Variants in SH3BGR observed in about 807,000 individuals in gnomAD.
The protein encoded by SH3BGR is SH3 domain-binding glutamic acid-rich protein.
In SH3BGR, 29 loss-of-function variants were observed where a neutral mutation model predicts 24.5. The observed-to-expected ratio is 1.18, with a 90% CI of 0.88 to 1.61. The LOEUF (loss-of-function observed/expected upper bound fraction) is 1.61. Ranked by LOEUF, SH3BGR falls within the 40% of genes most tolerant of loss-of-function variation. SH3BGR has a pLI of 0.00. For synonymous variants in SH3BGR, 55 were observed against 65.7 expected (o/e 0.84, Z 0.79); for missense variants, 162 against 205.8 (o/e 0.79, Z 1.30).
At chr21:39,473,910 A>G (rs952052937) in intron 2 of SH3BGR, among the ~76,000 whole-genome samples, 2 of 151,808 alleles carry the variant, frequency 1.3e-5, no homozygotes. Flanking sequence ...AAACAGTAAC[A>G]CACAGGAATA....
chr21:39,500,509 G>C (rs117098851), intron 4 of SH3BGR, among the ~76,000 whole-genome samples: 2 of 152,080 alleles, frequency 1.3e-5, no homozygotes, highest in Non-Finnish European at 2.9e-5. Context: ...CTGTGGTTCT[G>C]TGAGTGCCAA....
intron 4 of SH3BGR, among the ~76,000 whole-genome samples, chr21:39,506,677 C>T (rs917148543): frequency 2.0e-5 from 3 of 152,110 alleles, no homozygotes; most frequent in African/African-American, 4.8e-5. Flanking sequence ...TGGGGGAACC[C>T]GCCCCCCTGA....
At chr21:39,468,522 T>C (rs1220491340) in intron 2 of SH3BGR, among the ~76,000 whole-genome samples, 1 of 152,166 alleles carries the variant, frequency 6.6e-6, no homozygotes, top group Non-Finnish European at 1.5e-5. Context: ...CACTGCAGCC[T>C]CAACCTCCTG....
At chr21:39,495,511 G>A (rs1366875648) in intron 3 of SH3BGR, among the ~76,000 whole-genome samples, 1 of 147,274 alleles carries the variant, frequency 6.8e-6, no homozygotes, top group African/African-American at 2.5e-5. Flanking sequence ...TAAAGATCTT[G>A]CTCTGTCACC....
In SH3BGR at chr21:39,511,698, G is replaced by A; in HGVS notation, c.454G>A (p.Glu152Lys). The A allele has an allele frequency of 6.2e-7, 1 of 1,611,556 alleles. No homozygotes were observed. The highest frequency in any genetic ancestry group is 8.5e-7 in the Non-Finnish European group (1 of 1,179,304). ...AAATAAGACGGAAGAAATAGCCATG[G>A]AGGGTGCGGAAGGGGAAGCCGAGGA... ...ATEETEEIAM[E>K]GAEGEAEEEE... The change falls in exon 6 of 7, where the codon GAG becomes AAG. Residue 152 changes from glutamate to lysine, a missense_variant. Glu to Lys is a moderately conservative substitution (Grantham distance 56). Transcript: ENST00000333634. The surrounding 1 kb of genome is among the most constrained non-coding windows in gnomAD (Gnocchi z 4.2).
chr21:39,512,852 A>G (rs1463533771), intron 6 of SH3BGR, among the ~76,000 whole-genome samples: 1 of 152,180 alleles, frequency 6.6e-6, no homozygotes, highest in Non-Finnish European at 1.5e-5. Flanking sequence ...AAGTGCTATA[A>G]AAATATCTGT....
chr21:39,503,799 G>A (rs1050080315), intron 4 of SH3BGR, among the ~76,000 whole-genome samples: 1 of 152,182 alleles, frequency 6.6e-6, no homozygotes, highest in African/African-American at 2.4e-5. Context: ...CTTGATAAAG[G>A]ATTGAGGCAG....
At chr21:39,469,507 T>C (rs1489833987) in intron 2 of SH3BGR, among the ~76,000 whole-genome samples, 3 of 151,912 alleles carry the variant, frequency 2.0e-5, no homozygotes, top group Non-Finnish European at 2.9e-5. Context: ...CTTACCTTAA[T>C]GTTCAGTTAG....
At chr21:39,507,757 C>T (rs1204678318) in intron 4 of SH3BGR, among the ~76,000 whole-genome samples, 6 of 152,254 alleles carry the variant, frequency 3.9e-5, no homozygotes, top group South Asian at 4.1e-4. Flanking sequence ...GTGATCCTCC[C>T]GCCTCTGCCT....
intron 3 of SH3BGR, among the ~76,000 whole-genome samples, chr21:39,494,252 T>TTC (rs770210434): frequency 1.3e-4 from 17 of 131,372 alleles, no homozygotes; most frequent in Non-Finnish European, 1.9e-4. Context: ...CTTCTTCTTC[T>TTC]TTTTTTTTTT....
chr21:39,464,097 G>T (rs2077800339), intron 2 of SH3BGR, among the ~76,000 whole-genome samples: 1 of 152,196 alleles, frequency 6.6e-6, no homozygotes, highest in Admixed American at 6.5e-5. Flanking sequence ...CTCACATGGA[G>T]TGTGTCTCTC....
At position 39,452,132 on chromosome 21, in the gene SH3BGR, G is replaced by A. The variant is rs1263551746; in HGVS notation, c.36G>A (p.Gly12=). The A allele has an allele frequency of 1.2e-6, 2 of 1,614,058 alleles. No homozygotes were observed. Among genetic ancestry groups the A allele is most frequent in the Admixed American group, 3.3e-5 (2 of 60,002 alleles). The change falls in exon 1 of 7, where the codon GGG becomes GGA. Residue 12 remains glycine (G), a synonymous_variant. Coordinates refer to ENST00000333634, the MANE Select transcript of SH3BGR (RefSeq NM_007341.3). The part of the protein sequence containing the change: ...VIKVFVATSS[G]SIAIRKKQQE... ...AAGTGTTTGTTGCTACATCTTCTGG[G>A]TCCATAGCGGTAGGTGTCTGGTGGA... is the stretch of plus-strand genomic sequence containing the variant.
At chr21:39,504,257 A>G (rs1239710796) in intron 4 of SH3BGR, among the ~76,000 whole-genome samples, 1 of 152,122 alleles carries the variant, frequency 6.6e-6, no homozygotes, top group Non-Finnish European at 1.5e-5. Flanking sequence ...CAAGGGGCAA[A>G]CATTGATGTA....
chr21:39,506,333 A>G (rs954326823), intron 4 of SH3BGR, among the ~76,000 whole-genome samples: 2 of 152,176 alleles, frequency 1.3e-5, no homozygotes, highest in Non-Finnish European at 2.9e-5. Flanking sequence ...ATGTGAGAAA[A>G]TTGCATGTGA....
At chr21:39,448,563 A>G (rs902530028), upstream of SH3BGR, among the ~76,000 whole-genome samples, 3 of 152,144 alleles carry the variant, frequency 2.0e-5, 1 homozygote, top group Non-Finnish European at 4.4e-5. Context: ...GAGATGCACC[A>G]AAAACAGAAT....
At chr21:39,513,265 C>A (rs2078728090) in intron 6 of SH3BGR, among the ~76,000 whole-genome samples, 1 of 152,236 alleles carries the variant, frequency 6.6e-6, no homozygotes, top group South Asian at 2.1e-4. Context: ...AGGCAGGTCT[C>A]TAGTTAAGAA....
chr21:39,510,479 AC>A (rs1555915412), intron 5 of SH3BGR, among the ~76,000 whole-genome samples: 1 of 143,002 alleles, frequency 7.0e-6, no homozygotes, highest in African/African-American at 2.7e-5. Flanking sequence ...ACACACACAC[AC>A]CCCATCAATT....
rs1448840193 is a variant in SH3BGR, at chr21:39,511,312, GGT to G, written c.436-362_436-361del. On this transcript the variant is annotated intron_variant, in intron 5 of 6. Coordinates refer to ENST00000333634, the MANE Select transcript of SH3BGR (RefSeq NM_007341.3). This position sits in a 1 kb window ranked among gnomAD's most constrained non-coding sequence, Gnocchi z 4.2. ...TGTGTATTTGTGGTATATGTGATGT[GGT>G]GTGTGGGGTGTGTGGTCTGGTGTGT... 1.3e-5 allele frequency among the ~76,000 whole-genome samples: 2 copies of G among 148,648 alleles called. No individual in the cohort carries two copies. The highest frequency in any genetic ancestry group is 3.0e-5 in the Non-Finnish European group (2 of 67,480).
intron 4 of SH3BGR, among the ~76,000 whole-genome samples, chr21:39,507,684 C>T (rs1031185188): frequency 1.3e-5 from 2 of 151,060 alleles, no homozygotes; most frequent in Non-Finnish European, 2.9e-5. Context: ...CTTATTTTGT[C>T]ACCCACGCTG....
Sources: allele counts gnomAD v4.1 joint callset (sites outside exome capture counted in the v4.1 genomes callset), GRCh38; gene constraint gnomAD v4.1.1; non-coding constraint Gnocchi (gnomAD v3.1); transcripts MANE v1.5; gene names NCBI Gene and HGNC (gene_info 2026-07-23, HGNC 2026-07-21).